Variants in AGBL1 observed in about 807,000 individuals in gnomAD.
AGBL1 encodes cytosolic carboxypeptidase 4.
In AGBL1, 130 loss-of-function variants were observed where a neutral mutation model predicts 118.9. The observed-to-expected ratio is 1.09, with a 90% CI of 0.95 to 1.26. The LOEUF (loss-of-function observed/expected upper bound fraction) is 1.26. AGBL1 is among the 50% of genes most tolerant of loss of function. AGBL1 has a pLI of 0.00. For synonymous variants in AGBL1, 555 were observed against 478.9 expected, an observed-to-expected ratio of 1.16 and a Z score of -2.08; for missense variants, 1,584 against 1,298.1, an observed-to-expected ratio of 1.22 and a Z score of -3.38.
At chr15:86,275,116 C>T (rs951627490) in intron 15 of AGBL1, among the ~76,000 whole-genome samples, 23 of 152,150 alleles carry the variant, frequency 1.5e-4, no homozygotes, top group Admixed American at 5.2e-4. Flanking sequence ...CTGATGTGCA[C>T]AGCCACACAC....
At position 86,235,784 on chromosome 15, in the gene AGBL1, C is replaced by A. The variant is rs1016368250; in HGVS notation, c.526+10833C>A. ...ATGAGTGACTTTGCCCCAGAGGGAG[C>A]AATTAGCAAGGTCTGGAGACATTTG... On this transcript the variant is annotated intron_variant, in intron 6 of 22. Transcript: ENST00000614907. Among the ~76,000 whole-genome samples the A allele has an allele frequency of 7.2e-5, 11 of 152,252 alleles. 1 individual carries two copies. In the Middle Eastern group the frequency reaches 0.027, roughly 377 times the overall value.
Position 86,524,545 on chromosome 15 carries a change from TG to T in AGBL1, c.2685+1612del, listed in dbSNP as rs2083235830. On this transcript the variant is annotated intron_variant, in intron 19 of 22. Coordinates refer to ENST00000614907, the MANE Select transcript of AGBL1 (RefSeq NM_001386094.1). ...TAGCTCTGGTGTCCAGGGTTTTTGT[TG>T]GGGGGTCAGTTATGTAGCCATCAAA... Among the ~76,000 whole-genome samples the T allele has an allele frequency of 5.3e-5, 8 of 152,198 alleles. No homozygotes were observed. In the South Asian group the frequency reaches 1.5e-3, roughly 28 times the overall value.
At chr15:86,616,311 T>G (rs1790509818) in intron 21 of AGBL1, among the ~76,000 whole-genome samples, 1 of 145,348 alleles carries the variant, frequency 6.9e-6, no homozygotes, top group South Asian at 2.1e-4. Context: ...CACTCCAGCC[T>G]GGGTGACAGA....
intron 21 of AGBL1, among the ~76,000 whole-genome samples, chr15:86,582,653 C>A (rs1001003928): frequency 6.6e-6 from 1 of 152,102 alleles, no homozygotes; most frequent in Non-Finnish European, 1.5e-5. Flanking sequence ...AAATGTGGCA[C>A]ATATACACCA....
intron 22 of AGBL1, among the ~76,000 whole-genome samples, chr15:86,678,497 A>C (rs546176452): frequency 6.6e-6 from 1 of 152,152 alleles, no homozygotes; most frequent in African/African-American, 2.4e-5. Context: ...CTTTTTTTAA[A>C]AAAGTTATAT....
At chr15:86,145,562 C>T (rs1371499762) in intron 3 of AGBL1, among the ~76,000 whole-genome samples, 1 of 152,146 alleles carries the variant, frequency 6.6e-6, no homozygotes, top group Non-Finnish European at 1.5e-5. Context: ...GCCAAATGCC[C>T]AGGGGGTCTG....
chr15:86,351,185 G>A (rs1308428253), intron 17 of AGBL1, among the ~76,000 whole-genome samples: 1 of 152,144 alleles, frequency 6.6e-6, no homozygotes, highest in African/African-American at 2.4e-5. Flanking sequence ...TATCTTAGAA[G>A]GGTCTTCTTC....
chr15:86,372,819 G>T (rs1277808516), intron 17 of AGBL1, among the ~76,000 whole-genome samples: 1 of 152,164 alleles, frequency 6.6e-6, no homozygotes, highest in Non-Finnish European at 1.5e-5. Flanking sequence ...GGGCCTATAG[G>T]GCTCTGAGCA....
intron 6 of AGBL1, among the ~76,000 whole-genome samples, chr15:86,227,819 A>G (rs1033937731): frequency 7.9e-5 from 12 of 152,260 alleles, no homozygotes; most frequent in African/African-American, 2.7e-4. Context: ...GAGCATTTAC[A>G]AAGTACTTTG....
At chr15:86,426,090 G>A (rs1053859036) in intron 18 of AGBL1, among the ~76,000 whole-genome samples, 1 of 152,150 alleles carries the variant, frequency 6.6e-6, no homozygotes, top group Non-Finnish European at 1.5e-5. Context: ...TAGAACATAT[G>A]TAGCAGAACA....
chr15:86,266,567 G>A, intron 12 of AGBL1, 110 bp downstream of exon 12: 1 of 811,114 alleles, frequency 1.2e-6, no homozygotes. Flanking sequence ...AAAACAGCAT[G>A]ATGAAAATCC....
intron 5 of AGBL1, among the ~76,000 whole-genome samples, chr15:86,201,895 C>T (rs947943429): frequency 2.0e-5 from 3 of 152,132 alleles, no homozygotes; most frequent in Non-Finnish European, 4.4e-5. Context: ...CACACAAGGA[C>T]AGATAGGTTT....
intron 21 of AGBL1, among the ~76,000 whole-genome samples, chr15:86,672,200 C>A (rs1177708788): frequency 2.0e-5 from 3 of 152,218 alleles, no homozygotes; most frequent in Non-Finnish European, 2.9e-5. Flanking sequence ...CCCAAGTCTC[C>A]ACAGCCAATG....
chr15:86,824,958 G>C (rs989734697), intron 22 of AGBL1, among the ~76,000 whole-genome samples: 1 of 152,096 alleles, frequency 6.6e-6, no homozygotes, highest in African/African-American at 2.4e-5. Flanking sequence ...TTGGGAGGCT[G>C]AGGAAGGGGA....
chr15:86,837,957 A>G (rs1212249216), intron 22 of AGBL1, among the ~76,000 whole-genome samples: 2 of 152,184 alleles, frequency 1.3e-5, no homozygotes, highest in African/African-American at 4.8e-5. Context: ...TCCGGAATGT[A>G]GGGAACACTG....
intron 22 of AGBL1, among the ~76,000 whole-genome samples, chr15:86,762,358 T>C (rs1213514236): frequency 1.3e-5 from 2 of 152,024 alleles, no homozygotes; most frequent in Non-Finnish European, 2.9e-5. Flanking sequence ...CCTGCACATG[T>C]ACCCCAGAAC....
At chr15:86,338,731 C>T (rs559643166) in intron 17 of AGBL1, among the ~76,000 whole-genome samples, 3 of 152,218 alleles carry the variant, frequency 2.0e-5, no homozygotes, top group East Asian at 1.9e-4. Context: ...GAATGGGCTG[C>T]CCAAACTGGA....
chr15:86,306,044 G>C (rs530799023), intron 17 of AGBL1, among the ~76,000 whole-genome samples: 4 of 151,736 alleles, frequency 2.6e-5, no homozygotes, highest in African/African-American at 9.7e-5. Flanking sequence ...TGGGTACATA[G>C]TAGGTGTATA....
At chr15:86,821,240 T>C (rs1016029666) in intron 22 of AGBL1, among the ~76,000 whole-genome samples, 24 of 152,082 alleles carry the variant, frequency 1.6e-4, no homozygotes, top group Admixed American at 4.6e-4. Context: ...GACGGGTTGA[T>C]GAGTGCAGCA....
Sources: gnomAD v4.1 joint callset for allele counts (sites outside exome capture counted in the v4.1 genomes callset) on GRCh38, gnomAD v4.1.1 for gene constraint, MANE v1.5 for transcripts, NCBI Gene and HGNC (gene_info 2026-07-23, HGNC 2026-07-21) for gene names.